Variants in PLXNA2 observed in about 807,000 individuals in gnomAD.
PLXNA2 encodes plexin-A2.
A neutral mutation model predicts 193.5 loss-of-function variants in PLXNA2; 91 were observed. The ratio of observed to expected loss-of-function variants is 0.47; its 90% CI spans 0.40 to 0.56. The LOEUF is 0.56. Ranked by LOEUF, PLXNA2 falls within the 20% of genes least tolerant of loss-of-function variation. The pLI is 0.00. For missense variants in PLXNA2, 1,995 were observed against 2,503.2 expected, an observed-to-expected ratio of 0.80 and a Z score of 4.33; for synonymous variants, 997 against 1,027.3, an observed-to-expected ratio of 0.97 and a Z score of 0.56.
chr1:208,043,859 G>A (rs1485270993), intron 20 of PLXNA2, among the ~76,000 whole-genome samples: 1 of 152,246 alleles, frequency 6.6e-6, no homozygotes, highest in Non-Finnish European at 1.5e-5. Flanking sequence ...AAGGAGAAAT[G>A]TTTTCATTCC....
At chr1:208,030,251 C>A in intron 29 of PLXNA2, 1 of 985,528 alleles carries the variant, frequency 1.0e-6, no homozygotes, top group South Asian at 4.7e-5. Flanking sequence ...TTTCCCTGGA[C>A]ATTTGCTATT....
intron 3 of PLXNA2, among the ~76,000 whole-genome samples, chr1:208,157,664 T>C (rs527806186): frequency 6.6e-6 from 1 of 152,300 alleles, no homozygotes; most frequent in South Asian, 2.1e-4. Context: ...TAAAAATTCA[T>C]AGACTCCTGG....
chr1:208,196,409 A>G (rs1369298188), intron 3 of PLXNA2, among the ~76,000 whole-genome samples: 3 of 152,202 alleles, frequency 2.0e-5, no homozygotes, highest in African/African-American at 7.2e-5. Context: ...CTAGCCACAC[A>G]CTTGCCTTTA....
chr1:208,129,033 T>C (rs906823890), intron 4 of PLXNA2, among the ~76,000 whole-genome samples: 11 of 152,306 alleles, frequency 7.2e-5, no homozygotes, highest in Admixed American at 2.0e-4. Flanking sequence ...CCAAATGCTG[T>C]GGTATCTCTT....
chr1:208,111,859 A>G (rs1266654458), intron 4 of PLXNA2, among the ~76,000 whole-genome samples: 1 of 152,198 alleles, frequency 6.6e-6, no homozygotes, highest in African/African-American at 2.4e-5. Flanking sequence ...GATCAACACC[A>G]TTAAGGAAAA....
chr1:208,084,505 G>T lies in PLXNA2; in HGVS notation c.2173C>A (p.Arg725=). The change falls in exon 10 of 32, where the codon CGA becomes AGA. Residue 725 remains arginine, a synonymous_variant. Coordinates refer to ENST00000367033, the MANE Select transcript of PLXNA2 (RefSeq NM_025179.4). Reference sequence around the variant, plus strand: ...CCGGACTGCGGCTGGGGCAGATTTCGCGCCTTAAGGGTGATTGGCTTTACC... The same window carrying T: ...CCGGACTGCGGCTGGGGCAGATTTCTCGCCTTAAGGGTGATTGGCTTTACC... ...GEVKPITLKA[R]NLPQPQSGQR... is the part of the protein sequence containing the mutation. The T allele has an allele frequency of 6.2e-7, 1 of 1,614,244 alleles. No individual in the cohort carries two copies. Among genetic ancestry groups the T allele is most frequent in the Non-Finnish European group, 8.5e-7 (1 of 1,180,034 alleles).
chr1:208,164,133 G>T (rs1669220604), intron 3 of PLXNA2, among the ~76,000 whole-genome samples: 1 of 152,236 alleles, frequency 6.6e-6, no homozygotes, highest in Non-Finnish European at 1.5e-5. Context: ...GGGCTGGCAT[G>T]TGTGTGCCCC....
chr1:208,109,384 G>A (rs1297011752), intron 4 of PLXNA2, among the ~76,000 whole-genome samples: 2 of 152,096 alleles, frequency 1.3e-5, no homozygotes, highest in African/African-American at 4.8e-5. Context: ...ATCCAAACCT[G>A]TTTTCAAGAA....
intron 3 of PLXNA2, among the ~76,000 whole-genome samples, chr1:208,201,070 T>C (rs955409036): frequency 3.3e-5 from 5 of 152,230 alleles, no homozygotes; most frequent in Non-Finnish European, 7.3e-5. Flanking sequence ...TAGGCAGCAA[T>C]GACTGCCATT....
At chr1:208,138,200 G>A (rs1668358272) in intron 4 of PLXNA2, among the ~76,000 whole-genome samples, 1 of 152,180 alleles carries the variant, frequency 6.6e-6, no homozygotes, top group South Asian at 2.1e-4. Context: ...TACACATTCA[G>A]TAGAAATTGT....
intron 1 of PLXNA2, among the ~76,000 whole-genome samples, chr1:208,228,806 CT>C (rs1460589456): frequency 5.3e-5 from 8 of 152,196 alleles, no homozygotes; most frequent in African/African-American, 1.7e-4. Context: ...CCACTCCCTT[CT>C]TTGCCTATCC....
intron 4 of PLXNA2, among the ~76,000 whole-genome samples, chr1:208,121,882 C>A (rs1175867202): frequency 4.6e-5 from 7 of 152,234 alleles, no homozygotes; most frequent in Non-Finnish European, 8.8e-5. Flanking sequence ...TACAGTGACA[C>A]CATGCACGAA....
intron 26 of PLXNA2, among the ~76,000 whole-genome samples, chr1:208,036,487 C>T (rs1212984095): frequency 1.3e-5 from 2 of 152,178 alleles, no homozygotes; most frequent in Non-Finnish European, 2.9e-5. Flanking sequence ...CTCTCTGAGC[C>T]TTACCGGTCA....
chr1:208,205,784 C>T (rs902337982), intron 3 of PLXNA2, among the ~76,000 whole-genome samples: 4 of 152,130 alleles, frequency 2.6e-5, no homozygotes, highest in Non-Finnish European at 5.9e-5. Flanking sequence ...CTGTAAAAAA[C>T]GTCTTCCTTA....
At chr1:208,163,503 G>C (rs1669199969) in intron 3 of PLXNA2, among the ~76,000 whole-genome samples, 1 of 152,202 alleles carries the variant, frequency 6.6e-6, no homozygotes, top group Non-Finnish European at 1.5e-5. Flanking sequence ...GCTCACCTTT[G>C]CCTGGGATGG....
chr1:208,172,895 T>C (rs1453395436), intron 3 of PLXNA2, among the ~76,000 whole-genome samples: 1 of 152,148 alleles, frequency 6.6e-6, no homozygotes, highest in Non-Finnish European at 1.5e-5. Context: ...CCAGTGAATA[T>C]GACTAATCAG....
chr1:208,075,285 G>A (rs1169254084), intron 12 of PLXNA2, among the ~76,000 whole-genome samples: 1 of 149,076 alleles, frequency 6.7e-6, no homozygotes, highest in Non-Finnish European at 1.5e-5. Context: ...ACTTCAGCCT[G>A]GGCGATAGAG....
At chr1:208,133,030 C>T (rs941781705) in intron 4 of PLXNA2, among the ~76,000 whole-genome samples, 1 of 152,202 alleles carries the variant, frequency 6.6e-6, no homozygotes, top group East Asian at 1.9e-4. Context: ...CTTGGTATAC[C>T]CTTTCTTCTC....
chr1:208,217,667 C>T lies in PLXNA2; in HGVS notation c.256G>A (p.Gly86Arg). The T allele has an allele frequency of 6.2e-7, 1 of 1,614,200 alleles. No homozygotes were observed. The highest frequency in any genetic ancestry group is 8.5e-7 in the Non-Finnish European group (1 of 1,180,038). ...CAAGACTTGTTGTCCTCTTCTGGCC[C>T]TGTCTTATGAGCCACCTGGATGGTC... ...NLTIQVAHKTGPEEDNKSCYP... is the reference protein window; with the variant it reads ...NLTIQVAHKTRPEEDNKSCYP... The change falls in exon 2 of 32, where the codon GGG becomes AGG. Residue 86 changes from glycine (G) to arginine (R), a missense_variant. Gly to Arg is a moderately radical substitution (Grantham distance 125). Around this residue, in one of 3 missense-constraint regions of PLXNA2, gnomAD observed 702 missense variants for 812.9 expected, o/e 0.86. Coordinates refer to ENST00000367033, the MANE Select transcript of PLXNA2 (RefSeq NM_025179.4). This position sits in a 1 kb window ranked among gnomAD's most constrained non-coding sequence, Gnocchi z 4.7.
Sources: allele counts gnomAD v4.1 joint callset (sites outside exome capture counted in the v4.1 genomes callset), GRCh38; gene constraint gnomAD v4.1.1; regional missense constraint gnomAD v4.1.1; non-coding constraint Gnocchi (gnomAD v3.1); transcripts MANE v1.5; gene names NCBI Gene and HGNC (gene_info 2026-07-23, HGNC 2026-07-21).